LPA: variants seen among roughly 807,000 people sequenced by gnomAD.
LPA encodes apolipoprotein(a).
A neutral mutation model predicts 197.9 loss-of-function variants in LPA; 199 were observed. That is an observed-to-expected ratio of 1.01 (90% CI 0.90 to 1.13). The LOEUF is 1.13. Ranked by LOEUF, LPA falls within the 50% of genes most tolerant of loss-of-function variation. The pLI, the probability that LPA is intolerant of heterozygous loss-of-function variation, is 0.00. For synonymous variants in LPA, 715 were observed against 639.5 expected (o/e 1.12, Z -1.78); for missense variants, 1,853 against 1,785.8 (o/e 1.04, Z -0.68).
chr6:160,599,820 C>T (rs924352336), intron 19 of LPA, among the ~76,000 whole-genome samples, 161 bp from the exon 20 acceptor site: 7 of 152,216 alleles, frequency 4.6e-5, no homozygotes, highest in Admixed American at 6.5e-5. Context: ...CAAACAAACA[C>T]GAAAGTAAGA....
chr6:160,586,977 T>C (rs533964740), intron 24 of LPA, among the ~76,000 whole-genome samples: 2 of 152,326 alleles, frequency 1.3e-5, no homozygotes, highest in South Asian at 2.1e-4. Flanking sequence ...GTCTTGGAGA[T>C]TGTTTCACGT....
chr6:160,572,484 CT>C (rs1183073707), intron 28 of LPA, among the ~76,000 whole-genome samples: 1 of 151,984 alleles, frequency 6.6e-6, no homozygotes, highest in Non-Finnish European at 1.5e-5. Flanking sequence ...TTAACTTGTA[CT>C]TTTGTTTTAT....
chr6:160,661,156 A>G (rs757501740), intron 1 of LPA, among the ~76,000 whole-genome samples: 2 of 152,158 alleles, frequency 1.3e-5, no homozygotes, highest in African/African-American at 2.4e-5. Context: ...TCTGGCACAA[A>G]ATGTAGTGAT....
At chr6:160,543,798 G>A (rs1413147051) in intron 33 of LPA, among the ~76,000 whole-genome samples, 1 of 152,132 alleles carries the variant, frequency 6.6e-6, no homozygotes, top group East Asian at 1.9e-4. Flanking sequence ...ATGTGTTGGT[G>A]GAAATGAAAT....
chr6:160,608,602 C>A (rs764617428), intron 16 of LPA, among the ~76,000 whole-genome samples: 3 of 151,796 alleles, frequency 2.0e-5, no homozygotes, highest in African/African-American at 4.8e-5. Context: ...TTTTTCGAAA[C>A]GCCTATTTGA....
At chr6:160,560,345 G>T (rs577917631) in intron 28 of LPA, among the ~76,000 whole-genome samples, 1 of 152,280 alleles carries the variant, frequency 6.6e-6, no homozygotes, top group African/African-American at 2.4e-5. Context: ...TCTGGTTCTA[G>T]ATCCTTGAGG....
rs373597135 is a variant in LPA at position 160,653,096 on chromosome 6, A to T, written c.50-2599T>A. ...TCTCAATTTAAAAGCTGAGAAAAAG[A>T]TATACAAATACTAGTGAAAATAGAG... is the stretch of plus-strand genomic sequence containing the variant. On this transcript the variant is annotated intron_variant, in intron 1 of 38. Coordinates refer to ENST00000316300, the MANE Select transcript of LPA (RefSeq NM_005577.4). 1.6e-4 allele frequency among the ~76,000 whole-genome samples: 24 copies of T among 152,268 alleles called. 1 individual carries two copies. Among genetic ancestry groups the T allele is most frequent in the African/African-American group, 5.5e-4 (23 of 41,582 alleles).
intron 37 of LPA, among the ~76,000 whole-genome samples, chr6:160,537,407 CT>C (rs897490839): frequency 1.1e-4 from 16 of 152,296 alleles, no homozygotes; most frequent in African/African-American, 3.6e-4. Context: ...TTAATTACAA[CT>C]TTTGTCGTTA....
At chr6:160,550,959 C>G (rs567812208) in intron 30 of LPA, among the ~76,000 whole-genome samples, 1 of 152,186 alleles carries the variant, frequency 6.6e-6, no homozygotes, top group Non-Finnish European at 1.5e-5. Flanking sequence ...TTGAAATTGT[C>G]TACAGTTTGG....
At chr6:160,586,359 C>G in intron 25 of LPA, 90 bp downstream of exon 25, 1 of 1,455,418 alleles carries the variant, frequency 6.9e-7, no homozygotes, top group Non-Finnish European at 9.6e-7. Flanking sequence ...ACTTCCTGTG[C>G]AGCATGGAAG....
rs371588466 is a variant in LPA, at chr6:160,586,489, C to A, written c.4089G>T (p.Thr1363=). 6.2e-7 allele frequency: 1 copy of A among 1,613,618 alleles called. No homozygotes were observed. Among genetic ancestry groups the A allele is most frequent in the Non-Finnish European group, 8.5e-7 (1 of 1,179,738 alleles). ...VMESTLLTTP[T]VVPVPSTELP... ...GCTCTGTGCTTGGAACTGGGACCAC[C>A]GTGGGAGTTGTGAGGAGAGTTGATT... Residue 1363 remains threonine (T), a synonymous_variant, in exon 25 of 39, where the codon ACG becomes ACT. Transcript: ENST00000316300.
At chr6:160,586,657 A>G in intron 24 of LPA, 27 bp from the exon 25 acceptor site, 1 of 1,613,264 alleles carries the variant, frequency 6.2e-7, no homozygotes, top group Non-Finnish European at 8.5e-7. Flanking sequence ...AATACAGGTC[A>G]CCAGAGATTG....
intron 26 of LPA, among the ~76,000 whole-genome samples, chr6:160,584,486 C>T (rs75293710): frequency 1.3e-5 from 2 of 151,698 alleles, no homozygotes; most frequent in African/African-American, 4.8e-5. Flanking sequence ...TACCCACCAC[C>T]ATGACCGGCT....
chr6:160,591,981 T>C (rs140570886), intron 22 of LPA, among the ~76,000 whole-genome samples: 4,288 of 152,318 alleles, frequency 0.028, 282 homozygotes, highest in Admixed American at 0.17. Flanking sequence ...AACTATGATG[T>C]ACCCCAGTAA....
At position 160,585,183 on chromosome 6, in the gene LPA, C is replaced by T; in HGVS notation, c.4152G>A (p.Gly1384=). 6.2e-7 allele frequency: 1 copy of T among 1,613,528 alleles called. No individual in the cohort carries two copies. Among genetic ancestry groups the T allele is most frequent in the Non-Finnish European group, 8.5e-7 (1 of 1,179,778 alleles). ...SEEAPTENST[G]VQDCYRGDGQ... ...CATCACCTCGGTAGCAGTCCTGGAC[C>T]CCAGTGCTGTTTTCAGTTGGTGCTG... The change falls in exon 26 of 39, where the codon GGG becomes GGA. Residue 1384 remains glycine, a synonymous_variant. Transcript: ENST00000316300.
rs1187650240 is a variant in LPA at position 160,640,672 on chromosome 6, T to TAAAAA, written c.727_728insTTTTT (p.Glu243ValfsTer43). ...TCTGGCCACAGACTCCTTACCTTGT[T>TAAAAA]CGGAAGGAGCCTCTAGGCTTGGAAC... On this transcript the variant is annotated frameshift_variant, in exon 5 of 39. Coordinates refer to ENST00000316300, the MANE Select transcript of LPA (RefSeq NM_005577.4). LOFTEE classifies it high-confidence loss of function. 3 of 243,518 alleles carry TAAAAA rather than the reference T, an allele frequency of 1.2e-5. No homozygotes were observed. Among genetic ancestry groups the TAAAAA allele is most frequent in the African/African-American group, 1.1e-4 (1 of 8,780 alleles). 15.1% of individuals were successfully genotyped at this position (243,518 alleles called of 1,614,324 possible).
At chr6:160,553,952 TGTGCGC>T (rs960943346) in intron 30 of LPA, among the ~76,000 whole-genome samples, 2 of 117,074 alleles carry the variant, frequency 1.7e-5, no homozygotes, top group Non-Finnish European at 3.6e-5. Context: ...TGTGTGTGTG[TGTGCGC>T]GCGCGCGCGT....
At chr6:160,653,706 A>C (rs1320491960) in intron 1 of LPA, among the ~76,000 whole-genome samples, 1 of 150,872 alleles carries the variant, frequency 6.6e-6, no homozygotes, top group Non-Finnish European at 1.5e-5. Context: ...AACAACAAAA[A>C]AAGAAAACTT....
At chr6:160,604,769 C>G (rs886847554) in intron 18 of LPA, among the ~76,000 whole-genome samples, 2 of 152,142 alleles carry the variant, frequency 1.3e-5, no homozygotes, top group Non-Finnish European at 2.9e-5. Flanking sequence ...GAAGGGTACT[C>G]TAAGAGTTTC....
Sources: allele counts gnomAD v4.1 joint callset (sites outside exome capture counted in the v4.1 genomes callset), GRCh38; gene constraint gnomAD v4.1.1; transcripts MANE v1.5; gene names NCBI Gene and HGNC (gene_info 2026-07-23, HGNC 2026-07-21).